Variants in SLC23A2 observed in about 807,000 individuals in gnomAD.
The protein encoded by SLC23A2 is solute carrier family 23 member 2, also known as Na(+)/L-ascorbic acid transporter 2.
A neutral mutation model predicts 73.3 loss-of-function variants in SLC23A2; 36 were observed. The ratio of observed to expected loss-of-function variants is 0.49; its 90% CI spans 0.38 to 0.65. The LOEUF (loss-of-function observed/expected upper bound fraction) is 0.65, where lower values mean the gene tolerates loss of function less well. Among genes scored for constraint, SLC23A2 ranks in the 30% least tolerant of loss-of-function variants. The pLI, the probability that SLC23A2 is intolerant of heterozygous loss-of-function variation, is 0.00. For missense variants in SLC23A2, 507 were observed against 841.6 expected (o/e 0.60, Z 4.92); for synonymous variants, 343 against 327.3 (o/e 1.05, Z -0.52).
rs148408148 is a variant in SLC23A2, at chr20:4,862,003, C to A, written c.1569G>T (p.Ser523=). The change falls in exon 15 of 17, where the codon TCG becomes TCT. Residue 523 remains serine (S), a synonymous_variant. Transcript: ENST00000338244. This position sits in a 1 kb window ranked among gnomAD's most constrained non-coding sequence, Gnocchi z 5.1. ...SSRNLFVLGF[S]IFFGLVLPSY... ...TTGGAAGGACGAGCCCAAAGAAGAT[C>A]GAAAATCCAAGCACAAAGAGGTTCC... 26 of 1,613,970 alleles carry A rather than the reference C, an allele frequency of 1.6e-5. No individual in the cohort carries two copies. The highest frequency in any genetic ancestry group is 2.7e-5 in the African/African-American group (2 of 74,894).
chr20:4,885,941 G>C, intron 6 of SLC23A2, 32 bp from the exon 7 acceptor site: 1 of 1,475,622 alleles, frequency 6.8e-7, no homozygotes, highest in Non-Finnish European at 9.4e-7. Flanking sequence ...CCATGATCAC[G>C]GCATCGGGAA....
intron 1 of SLC23A2, among the ~76,000 whole-genome samples, chr20:4,980,193 A>G (rs2087704225): frequency 6.6e-6 from 1 of 152,204 alleles, no homozygotes; most frequent in African/African-American, 2.4e-5. Context: ...TATGTTAGGT[A>G]TGTGTTAAAG....
chr20:4,969,414 T>A (rs1370825459), intron 2 of SLC23A2, among the ~76,000 whole-genome samples: 1 of 152,148 alleles, frequency 6.6e-6, no homozygotes, highest in African/African-American at 2.4e-5. Flanking sequence ...AAAATTTTTT[T>A]AAAAGGAGTG....
At chr20:4,978,685 T>C (rs1398120562) in intron 1 of SLC23A2, among the ~76,000 whole-genome samples, 1 of 152,052 alleles carries the variant, frequency 6.6e-6, no homozygotes, top group African/African-American at 2.4e-5. Flanking sequence ...TAGAGACAGT[T>C]AAAGGGATAA....
At chr20:4,989,746 C>T (rs1215395616) in intron 1 of SLC23A2, among the ~76,000 whole-genome samples, 1 of 151,986 alleles carries the variant, frequency 6.6e-6, no homozygotes, top group African/African-American at 2.4e-5. Flanking sequence ...GCGGAATTTT[C>T]CACTCGTGGC....
chr20:4,902,042 C>T lies in SLC23A2; in HGVS notation c.324+400G>A, dbSNP rs1283147030. On this transcript the variant is annotated intron_variant, in intron 5 of 16. Coordinates refer to ENST00000338244, the MANE Select transcript of SLC23A2 (RefSeq NM_005116.6). This position sits in a 1 kb window ranked among gnomAD's most constrained non-coding sequence, Gnocchi z 4.0. The stretch of plus-strand genomic sequence containing the variant: ...TCATTTGTTTTTTGAGACAGGGTCT[C>T]ACTATGTCAACCAGGCTGAAGTGGA... 6.6e-6 allele frequency among the ~76,000 whole-genome samples: 1 copy of T among 152,146 alleles called. No individual in the cohort carries two copies. The highest frequency in any genetic ancestry group is 1.9e-4 in the East Asian group (1 of 5,186).
intron 5 of SLC23A2, among the ~76,000 whole-genome samples, chr20:4,901,138 G>C (rs1286005849): frequency 6.6e-6 from 1 of 152,150 alleles, no homozygotes; most frequent in South Asian, 2.1e-4. Flanking sequence ...GCCCAAGGTA[G>C]ACTAGTTGCC....
At chr20:4,895,261 G>A (rs1393532385) in intron 6 of SLC23A2, among the ~76,000 whole-genome samples, 1 of 152,168 alleles carries the variant, frequency 6.6e-6, no homozygotes, top group Non-Finnish European at 1.5e-5. Flanking sequence ...AGCCCACAGA[G>A]GCCATCTGCC....
At chr20:4,875,701 C>G (rs1216741259) in intron 9 of SLC23A2, among the ~76,000 whole-genome samples, 1 of 152,162 alleles carries the variant, frequency 6.6e-6, no homozygotes, top group Non-Finnish European at 1.5e-5. Flanking sequence ...GGTGTGGGGC[C>G]ACTTCCCATC....
intron 2 of SLC23A2, among the ~76,000 whole-genome samples, chr20:4,948,998 AAC>A (rs1271331819): frequency 1.3e-5 from 2 of 152,194 alleles, no homozygotes; most frequent in Non-Finnish European, 2.9e-5. Flanking sequence ...ATAGAAGGAA[AAC>A]ATAGGCTGGG....
chr20:4,921,254 T>C (rs1932492110), intron 3 of SLC23A2, among the ~76,000 whole-genome samples: 1 of 152,206 alleles, frequency 6.6e-6, no homozygotes, highest in East Asian at 1.9e-4. Context: ...TTGATGAGAA[T>C]TTTATAAAAG....
At chr20:4,987,900 T>C (rs776969559) in intron 1 of SLC23A2, among the ~76,000 whole-genome samples, 1 of 150,714 alleles carries the variant, frequency 6.6e-6, no homozygotes, top group Admixed American at 6.7e-5. Context: ...ACTTCTTGAA[T>C]ACCACTAAAG....
At position 4,932,439 on chromosome 20, in the gene SLC23A2, TG is replaced by T; in HGVS notation, c.108+15del. On this transcript the variant is annotated intron_variant, in intron 3 of 16. Coordinates refer to ENST00000338244, the MANE Select transcript of SLC23A2 (RefSeq NM_005116.6). Reference sequence around the variant, plus strand: ...TTTCAAGAGATTTAAGAAAGGAAGATGGGGAATATGATTACCGGAAGAGTGA... The same window carrying T: ...TTTCAAGAGATTTAAGAAAGGAAGATGGGAATATGATTACCGGAAGAGTGA... 1 of 1,332,162 alleles carries T rather than the reference TG, an allele frequency of 7.5e-7. No individual in the cohort carries two copies. Among genetic ancestry groups the T allele is most frequent in the Non-Finnish European group, 1.1e-6 (1 of 922,234 alleles). 82.5% of individuals were successfully genotyped at this position (1,332,162 alleles called of 1,614,324 possible).
chr20:4,883,622 G>T lies in SLC23A2; in HGVS notation c.824+20C>A. 1 of 1,583,408 alleles carries T rather than the reference G, an allele frequency of 6.3e-7. No homozygotes were observed. Among genetic ancestry groups the T allele is most frequent in the Non-Finnish European group, 8.6e-7 (1 of 1,158,790 alleles). ...AGGCTGCCCCGCAGTGGTGGGATGA[G>T]GGGAGATGTTTCCACTTACAGCATG... On this transcript the variant is annotated intron_variant, in intron 9 of 16. Transcript: ENST00000338244. This position sits in a 1 kb window ranked among gnomAD's most constrained non-coding sequence, Gnocchi z 4.5.
intron 1 of SLC23A2, among the ~76,000 whole-genome samples, chr20:4,980,734 T>C (rs12625464): frequency 0.017 from 2,650 of 152,150 alleles, 68 homozygotes; most frequent in African/African-American, 0.054. Context: ...TTCACCATGT[T>C]GGCCAGGCTG....
At chr20:4,923,627 T>C (rs2122921991) in intron 3 of SLC23A2, among the ~76,000 whole-genome samples, 1 of 152,306 alleles carries the variant, frequency 6.6e-6, no homozygotes, top group South Asian at 2.1e-4. Flanking sequence ...CTATTATTCT[T>C]ACAGAAAGAA....
chr20:4,943,384 T>C (rs188873896), intron 2 of SLC23A2, among the ~76,000 whole-genome samples: 223 of 151,994 alleles, frequency 1.5e-3, no homozygotes, highest in Non-Finnish European at 1.9e-3. Context: ...TATACACTTC[T>C]GGGCCAGGCA....
At chr20:4,989,627 G>A (rs201431826) in intron 1 of SLC23A2, among the ~76,000 whole-genome samples, 1 of 151,690 alleles carries the variant, frequency 6.6e-6, no homozygotes, top group Non-Finnish European at 1.5e-5. Flanking sequence ...AGTGAGCCAT[G>A]ATCTTGCCAC....
At position 5,001,472 on chromosome 20, in the gene SLC23A2, T is replaced by G. The variant is rs113708270; in HGVS notation, c.-348A>C. 61,158 of 148,610 alleles carry G rather than the reference T, an allele frequency of 0.41. 13,583 individuals are homozygous for G. Among genetic ancestry groups the G allele is most frequent in the African/African-American group, 0.59 (24,206 of 40,956 alleles). 9.2% of individuals were successfully genotyped at this position (148,610 alleles called of 1,614,324 possible). ...CGGCGCCGCAGTGCCCGCTGCAGCCTCCGCCTCCGGTCCCCGCGACAGCCG... is the reference window on the plus strand; with the variant it reads ...CGGCGCCGCAGTGCCCGCTGCAGCCGCCGCCTCCGGTCCCCGCGACAGCCG... On this transcript the variant is annotated 5_prime_UTR_variant, in exon 1 of 17. Coordinates refer to ENST00000338244, the MANE Select transcript of SLC23A2 (RefSeq NM_005116.6).
Sources: gnomAD v4.1 joint callset for allele counts (sites outside exome capture counted in the v4.1 genomes callset) on GRCh38, gnomAD v4.1.1 for gene constraint, Gnocchi (gnomAD v3.1) non-coding constraint, MANE v1.5 for transcripts, NCBI Gene and HGNC (gene_info 2026-07-23, HGNC 2026-07-21) for gene names.